The following ANKIB1 variants were observed in gnomAD, a reference collection of about 807,000 sequenced individuals.
ANKIB1 encodes the protein ankyrin repeat and IBR domain-containing protein 1.
In ANKIB1, 43 loss-of-function variants were observed where a neutral mutation model predicts 122.1. That is an observed-to-expected ratio of 0.35 (90% CI 0.28 to 0.45). ANKIB1 has a LOEUF of 0.45. ANKIB1 is among the 20% of genes least tolerant of loss of function. ANKIB1 has a pLI of 1.00. For synonymous variants in ANKIB1, 390 were observed against 442.0 expected, an observed-to-expected ratio of 0.88 and a Z score of 1.48; for missense variants, 992 against 1,329.5, an observed-to-expected ratio of 0.75 and a Z score of 3.95.
intron 11 of ANKIB1, among the ~76,000 whole-genome samples, chr7:92,374,014 T>C (rs1804328814): frequency 6.6e-6 from 1 of 152,182 alleles, no homozygotes; most frequent in African/African-American, 2.4e-5. Flanking sequence ...GGTATATCTG[T>C]TCATTATATA....
chr7:92,291,456 A>G (rs541060479), intron 1 of ANKIB1, among the ~76,000 whole-genome samples: 21 of 152,326 alleles, frequency 1.4e-4, no homozygotes, highest in Non-Finnish European at 2.5e-4. Flanking sequence ...TGTATCCACA[A>G]AAGTAAAAAT....
intron 5 of ANKIB1, among the ~76,000 whole-genome samples, chr7:92,331,810 A>G (rs1803179717): frequency 6.6e-6 from 1 of 152,194 alleles, no homozygotes; most frequent in African/African-American, 2.4e-5. Flanking sequence ...AAAAGTGTCT[A>G]CACTACAGCA....
chr7:92,391,495 A>AT lies in ANKIB1; in HGVS notation c.2231+161dup, dbSNP rs11311575. Among the ~76,000 whole-genome samples the AT allele has an allele frequency of 1.5e-4, 22 of 149,528 alleles. 1 individual carries two copies. The highest frequency in any genetic ancestry group is 6.4e-4 in the South Asian group (3 of 4,684). On this transcript the variant is annotated intron_variant, in intron 16 of 19. Transcript: ENST00000265742. Reference sequence around the variant, plus strand: ...AAAAGTATGTTGACTTTTTTTGGTGATTTTTTTTTTCCTCCATGCTATTTC... The same window carrying AT: ...AAAAGTATGTTGACTTTTTTTGGTGATTTTTTTTTTTCCTCCATGCTATTTC...
chr7:92,345,977 A>G (rs1405697705), intron 7 of ANKIB1, among the ~76,000 whole-genome samples: 1 of 152,144 alleles, frequency 6.6e-6, no homozygotes, highest in Non-Finnish European at 1.5e-5. Context: ...AAGCTTTGAT[A>G]TCTATATACA....
intron 2 of ANKIB1, among the ~76,000 whole-genome samples, chr7:92,298,501 A>G (rs182521710): frequency 6.0e-4 from 92 of 152,210 alleles, no homozygotes; most frequent in Non-Finnish European, 1.2e-4. Context: ...TAAATGGAAA[A>G]CATATAAGTA....
intron 1 of ANKIB1, among the ~76,000 whole-genome samples, chr7:92,280,105 G>A (rs1411090229): frequency 6.6e-6 from 1 of 152,196 alleles, no homozygotes; most frequent in African/African-American, 2.4e-5. Context: ...CTGCTCACCA[G>A]TAGCAGAAAG....
At chr7:92,293,365 G>A (rs934231817) in intron 1 of ANKIB1, among the ~76,000 whole-genome samples, 16 of 152,218 alleles carry the variant, frequency 1.1e-4, no homozygotes, top group African/African-American at 3.9e-4. Flanking sequence ...TATTGTTGTT[G>A]TTTGTTTTGA....
chr7:92,309,942 A>AAAAAAAAAAAAATATATATAT (rs1335765681), intron 3 of ANKIB1, among the ~76,000 whole-genome samples: 2 of 91,788 alleles, frequency 2.2e-5, no homozygotes, highest in East Asian at 9.2e-4. Context: ...AAAAAAAAAA[A>AAAAAAAAAAAAATATATATAT]ATATATATAT....
intron 1 of ANKIB1, among the ~76,000 whole-genome samples, chr7:92,289,904 C>A (rs903461029): frequency 2.0e-5 from 3 of 152,212 alleles, no homozygotes; most frequent in Non-Finnish European, 4.4e-5. Flanking sequence ...GCAACTTCCA[C>A]CTCCTGGGCT....
At chr7:92,293,085 G>A (rs900085464) in intron 1 of ANKIB1, among the ~76,000 whole-genome samples, 1 of 152,204 alleles carries the variant, frequency 6.6e-6, no homozygotes, top group Non-Finnish European at 1.5e-5. Context: ...CTCCAGAATA[G>A]GCTTGGCAGA....
At chr7:92,383,914 T>G (rs1804576504) in intron 11 of ANKIB1, among the ~76,000 whole-genome samples, 1 of 151,688 alleles carries the variant, frequency 6.6e-6, no homozygotes, top group Admixed American at 6.6e-5. Flanking sequence ...GAGAAAGAAA[T>G]AGAGTATTCA....
intron 10 of ANKIB1, among the ~76,000 whole-genome samples, chr7:92,365,801 T>G (rs1329714775): frequency 1.6e-5 from 1 of 61,698 alleles, no homozygotes; most frequent in Non-Finnish European, 2.9e-5. Context: ...TTTTTTTTTT[T>G]TTTTTTTTTT....
intron 1 of ANKIB1, among the ~76,000 whole-genome samples, chr7:92,261,851 A>G (rs1801572001): frequency 6.6e-6 from 1 of 152,184 alleles, no homozygotes; most frequent in African/African-American, 2.4e-5. Context: ...CTAGTGTCAG[A>G]TCATGTTTTG....
chr7:92,322,827 C>A (rs1452359515), intron 4 of ANKIB1, among the ~76,000 whole-genome samples: 2 of 152,012 alleles, frequency 1.3e-5, no homozygotes, highest in African/African-American at 4.8e-5. Flanking sequence ...CCAATTGTGC[C>A]ATTATTGTAG....
At chr7:92,349,681 T>G (rs1293638142) in intron 7 of ANKIB1, among the ~76,000 whole-genome samples, 1 of 152,182 alleles carries the variant, frequency 6.6e-6, no homozygotes, top group Non-Finnish European at 1.5e-5. Flanking sequence ...TAATAATCCT[T>G]GCTAAAATTT....
At chr7:92,266,173 AAGG>A (rs1049012208) in intron 1 of ANKIB1, among the ~76,000 whole-genome samples, 7 of 152,288 alleles carry the variant, frequency 4.6e-5, no homozygotes, top group Admixed American at 1.3e-4. Flanking sequence ...GTATTTCAGA[AAGG>A]AGGAGGAGAG....
At chr7:92,324,280 C>T (rs1007565990) in intron 4 of ANKIB1, among the ~76,000 whole-genome samples, 3 of 152,192 alleles carry the variant, frequency 2.0e-5, no homozygotes, top group African/African-American at 7.2e-5. Flanking sequence ...GTTGCCCAGG[C>T]TGTAGCACAG....
chr7:92,259,539 A>T (rs930531189), intron 1 of ANKIB1, among the ~76,000 whole-genome samples: 18 of 152,364 alleles, frequency 1.2e-4, no homozygotes, highest in African/African-American at 4.1e-4. Flanking sequence ...AATAAATCTG[A>T]AAAAAGGAAA....
At chr7:92,363,692 G>C (rs978285541) in intron 10 of ANKIB1, among the ~76,000 whole-genome samples, 1 of 152,230 alleles carries the variant, frequency 6.6e-6, no homozygotes, top group South Asian at 2.1e-4. Context: ...AAGTGGCATT[G>C]AGAGAGATGG....
Sources: allele counts gnomAD v4.1 joint callset (sites outside exome capture counted in the v4.1 genomes callset), GRCh38; gene constraint gnomAD v4.1.1; transcripts MANE v1.5; gene names NCBI Gene and HGNC (gene_info 2026-07-23, HGNC 2026-07-21).